Variants in RBFOX3 observed in about 807,000 individuals in gnomAD.
RBFOX3 encodes RNA binding protein fox-1 homolog 3.
RBFOX3 carries 17 observed loss-of-function variants against 48.7 expected under a neutral mutation model. The ratio of observed to expected loss-of-function variants is 0.35; its 90% CI spans 0.24 to 0.52. The LOEUF is 0.52. Among genes scored for constraint, RBFOX3 ranks in the 20% least tolerant of loss-of-function variants. The pLI is 0.94. For missense variants in RBFOX3, 382 were observed against 497.5 expected (o/e 0.77, Z 2.21); for synonymous variants, 212 against 209.5 (o/e 1.01, Z -0.10).
At chr17:79,191,669 C>T (rs1369287838) in intron 4 of RBFOX3, among the ~76,000 whole-genome samples, 1 of 152,320 alleles carries the variant, frequency 6.6e-6, no homozygotes, top group East Asian at 1.9e-4. Flanking sequence ...CAAGGTCCTT[C>T]TAACGAAGCC....
chr17:79,507,241 C>T (rs1427809457), intron 1 of RBFOX3, among the ~76,000 whole-genome samples: 2 of 152,300 alleles, frequency 1.3e-5, no homozygotes, highest in East Asian at 1.9e-4. Flanking sequence ...CAGACACAAC[C>T]GCCAGGGCCT....
intron 2 of RBFOX3, among the ~76,000 whole-genome samples, chr17:79,388,272 C>A (rs1485925298): frequency 6.6e-6 from 1 of 152,178 alleles, no homozygotes; most frequent in Non-Finnish European, 1.5e-5. Context: ...CATGCCCAGG[C>A]CAGAAGAGCT....
intron 3 of RBFOX3, among the ~76,000 whole-genome samples, chr17:79,257,168 G>A (rs1238135994): frequency 1.3e-5 from 2 of 152,074 alleles, no homozygotes; most frequent in East Asian, 1.9e-4. Flanking sequence ...AATCAATGCC[G>A]GGAAGTGACT....
chr17:79,262,771 C>T (rs2066002817), intron 3 of RBFOX3, among the ~76,000 whole-genome samples: 1 of 152,258 alleles, frequency 6.6e-6, no homozygotes, highest in African/African-American at 2.4e-5. Context: ...AAGACTGGTC[C>T]AATAGTATCA....
intron 4 of RBFOX3, among the ~76,000 whole-genome samples, chr17:79,182,001 AAACAC>A (rs1457046445): frequency 1.8e-4 from 23 of 131,146 alleles, no homozygotes; most frequent in Non-Finnish European, 3.8e-4. Flanking sequence ...ACACACACAC[AAACAC>A]ACAATCACTC....
chr17:79,499,091 T>C (rs2082030790), intron 1 of RBFOX3, among the ~76,000 whole-genome samples: 1 of 149,730 alleles, frequency 6.7e-6, no homozygotes, highest in Non-Finnish European at 1.5e-5. Flanking sequence ...CACTCATCCA[T>C]CTACTCACTC....
intron 4 of RBFOX3, among the ~76,000 whole-genome samples, chr17:79,216,335 A>G (rs914120752): frequency 2.6e-5 from 4 of 152,178 alleles, no homozygotes; most frequent in Non-Finnish European, 5.9e-5. Flanking sequence ...AAGTGTACCC[A>G]CCTGACGGAA....
At chr17:79,432,541 C>T (rs1459526953) in intron 2 of RBFOX3, among the ~76,000 whole-genome samples, 5 of 152,042 alleles carry the variant, frequency 3.3e-5, no homozygotes, top group African/African-American at 7.2e-5. Flanking sequence ...CAACCTGTTT[C>T]GTTAAAAAAA....
chr17:79,306,841 G>A (rs1340194723), intron 3 of RBFOX3, among the ~76,000 whole-genome samples: 10 of 152,116 alleles, frequency 6.6e-5, no homozygotes, highest in South Asian at 2.1e-4. Context: ...CCTCAGACCC[G>A]CCAGCCTGGG....
At chr17:79,598,747 G>A (rs902204866) in intron 1 of RBFOX3, 2 of 152,136 alleles carry the variant, frequency 1.3e-5, no homozygotes, top group South Asian at 4.1e-4. Context: ...TTGAGTTGTT[G>A]AGTTGTTATT....
intron 4 of RBFOX3, among the ~76,000 whole-genome samples, chr17:79,177,115 G>T (rs1052953899): frequency 5.3e-5 from 8 of 152,322 alleles, no homozygotes; most frequent in African/African-American, 1.9e-4. Flanking sequence ...TCCTGGCCCA[G>T]GTGCCACATG....
intron 3 of RBFOX3, among the ~76,000 whole-genome samples, chr17:79,266,537 G>C (rs1234365013): frequency 7.9e-5 from 12 of 152,102 alleles, no homozygotes; most frequent in Non-Finnish European, 1.0e-4. Flanking sequence ...GGTTCCCAAC[G>C]CGGAGCTCCC....
intron 2 of RBFOX3, among the ~76,000 whole-genome samples, chr17:79,320,256 C>CTT (rs1020303629): frequency 6.2e-4 from 95 of 152,296 alleles, no homozygotes; most frequent in African/African-American, 2.3e-3. Context: ...TGGAGCCGCT[C>CTT]TTGGTGCTGA....
chr17:79,474,628 G>T (rs2077469055), intron 2 of RBFOX3, among the ~76,000 whole-genome samples: 1 of 152,138 alleles, frequency 6.6e-6, no homozygotes. Context: ...AGTGCAGCGT[G>T]TACCCAGGAT....
chr17:79,347,891 T>C (rs1406439065), intron 2 of RBFOX3, among the ~76,000 whole-genome samples: 1 of 152,214 alleles, frequency 6.6e-6, no homozygotes, highest in Non-Finnish European at 1.5e-5. Flanking sequence ...ACCTTGTTAT[T>C]TTGCCTGCCA....
intron 1 of RBFOX3, among the ~76,000 whole-genome samples, chr17:79,525,190 A>T (rs2086638843): frequency 6.6e-6 from 1 of 152,062 alleles, no homozygotes; most frequent in Non-Finnish European, 1.5e-5. Context: ...TGAGGTGTGG[A>T]GCGGCGTCTC....
chr17:79,487,155 G>A (rs2079733865), intron 1 of RBFOX3, among the ~76,000 whole-genome samples: 3 of 152,204 alleles, frequency 2.0e-5, no homozygotes, highest in African/African-American at 7.2e-5. Flanking sequence ...GGGGAAGATT[G>A]AGGAGGGCCA....
At chr17:79,355,731 C>T (rs953577607) in intron 2 of RBFOX3, among the ~76,000 whole-genome samples, 1 of 152,074 alleles carries the variant, frequency 6.6e-6, no homozygotes, top group African/African-American at 2.4e-5. Context: ...CAGGCTCACA[C>T]CATCATGCTC....
At chr17:79,124,130 C>T (rs2036523747) in intron 4 of RBFOX3, among the ~76,000 whole-genome samples, 1 of 152,224 alleles carries the variant, frequency 6.6e-6, no homozygotes, top group African/African-American at 2.4e-5. Flanking sequence ...TTTACAACTC[C>T]AGGTCTAGTG....
Sources: gnomAD v4.1 joint callset for allele counts (sites outside exome capture counted in the v4.1 genomes callset) on GRCh38, gnomAD v4.1.1 for gene constraint, MANE v1.5 for transcripts, NCBI Gene and HGNC (gene_info 2026-07-23, HGNC 2026-07-21) for gene names.